Variants in CCDC192 observed in about 807,000 individuals in gnomAD.
CCDC192 encodes the protein coiled-coil domain containing 192.
intron 6 of CCDC192, among the ~76,000 whole-genome samples, chr5:127,900,744 T>G (rs1053217085): frequency 6.6e-5 from 10 of 152,248 alleles, no homozygotes; most frequent in African/African-American, 2.4e-4. Flanking sequence ...ATAGAGTGGC[T>G]TGGCTTCCTA....
At chr5:127,736,826 C>G (rs1012225889) in intron 2 of CCDC192, among the ~76,000 whole-genome samples, 16 of 148,652 alleles carry the variant, frequency 1.1e-4, no homozygotes, top group Non-Finnish European at 2.1e-4. Flanking sequence ...CTCTTTTTTT[C>G]TTTATTAGTC....
intron 3 of CCDC192, among the ~76,000 whole-genome samples, chr5:127,756,455 C>T (rs1343452835): frequency 2.0e-5 from 3 of 152,022 alleles, no homozygotes; most frequent in Admixed American, 1.3e-4. Context: ...CATAGGAGCT[C>T]GAAGTTAGGT....
At chr5:127,725,982 CT>C (rs1202404679) in intron 2 of CCDC192, among the ~76,000 whole-genome samples, 1 of 150,894 alleles carries the variant, frequency 6.6e-6, no homozygotes, top group South Asian at 2.1e-4. Flanking sequence ...TTTCTTTAGT[CT>C]TTTTTTAAGT....
chr5:127,821,399 T>C (rs1749283297), intron 5 of CCDC192, among the ~76,000 whole-genome samples: 1 of 152,242 alleles, frequency 6.6e-6, no homozygotes. Context: ...GGGGACAGCC[T>C]CTTTTTCAGG....
intron 5 of CCDC192, among the ~76,000 whole-genome samples, chr5:127,847,682 C>A (rs1226285484): frequency 6.6e-6 from 1 of 151,806 alleles, no homozygotes. Context: ...AATTACCAGG[C>A]GTGGTGGCAG....
At chr5:127,877,973 A>C (rs1752151241) in intron 6 of CCDC192, among the ~76,000 whole-genome samples, 1 of 152,226 alleles carries the variant, frequency 6.6e-6, no homozygotes, top group Non-Finnish European at 1.5e-5. Flanking sequence ...CTAGCCTTGG[A>C]GTAAGATGGA....
chr5:127,716,788 C>T (rs1168713497), intron 2 of CCDC192, among the ~76,000 whole-genome samples: 1 of 152,128 alleles, frequency 6.6e-6, no homozygotes, highest in African/African-American at 2.4e-5. Context: ...GATGTGACCT[C>T]CTTGCTTTGA....
chr5:127,808,181 G>A (rs747189262), intron 5 of CCDC192, among the ~76,000 whole-genome samples: 1 of 152,000 alleles, frequency 6.6e-6, no homozygotes, highest in Non-Finnish European at 1.5e-5. Flanking sequence ...GCCAACTTTC[G>A]CCTTACCTCT....
intron 6 of CCDC192, among the ~76,000 whole-genome samples, chr5:127,906,048 A>G (rs1479417119): frequency 6.6e-6 from 1 of 152,094 alleles, no homozygotes; most frequent in Admixed American, 6.5e-5. Context: ...TACAATTCAC[A>G]TTTTGGCCAT....
At chr5:127,939,758 C>T (rs926885219) in intron 6 of CCDC192, among the ~76,000 whole-genome samples, 1 of 151,664 alleles carries the variant, frequency 6.6e-6, no homozygotes, top group Non-Finnish European at 1.5e-5. Context: ...GTATAGGTAC[C>T]TAATAGCAGC....
intron 3 of CCDC192, chr5:127,785,773 A>G: frequency 3.9e-6 from 1 of 255,738 alleles, no homozygotes; most frequent in South Asian, 6.2e-5. Flanking sequence ...AGAACGAGTC[A>G]TAGTATTGAG....
intron 5 of CCDC192, among the ~76,000 whole-genome samples, chr5:127,832,323 T>G (rs1343687245): frequency 6.6e-6 from 1 of 152,210 alleles, no homozygotes; most frequent in Non-Finnish European, 1.5e-5. Flanking sequence ...TCTAGAGCCA[T>G]GAGGCAAACT....
intron 5 of CCDC192, among the ~76,000 whole-genome samples, chr5:127,804,679 ATG>A (rs1757684734): frequency 6.6e-6 from 1 of 152,198 alleles, no homozygotes. Context: ...AGTTCTGAAA[ATG>A]TGGCTCCTGA....
At chr5:127,910,620 A>C (rs1292784896) in intron 6 of CCDC192, among the ~76,000 whole-genome samples, 1 of 152,228 alleles carries the variant, frequency 6.6e-6, no homozygotes, top group African/African-American at 2.4e-5. Flanking sequence ...AATGTAGCAC[A>C]ATTCCCCAAA....
chr5:127,903,963 C>T (rs1001500823), intron 6 of CCDC192, among the ~76,000 whole-genome samples: 6 of 152,124 alleles, frequency 3.9e-5, no homozygotes, highest in African/African-American at 1.4e-4. Flanking sequence ...ATCCTGGAAC[C>T]TGTGAATACG....
intron 2 of CCDC192, among the ~76,000 whole-genome samples, chr5:127,710,344 T>C (rs932555209): frequency 1.3e-5 from 2 of 152,044 alleles, no homozygotes; most frequent in South Asian, 4.2e-4. Context: ...GTTGCCTCTT[T>C]TAAATAATTG....
chr5:127,780,027 C>G (rs1756103973), intron 3 of CCDC192, among the ~76,000 whole-genome samples: 1 of 152,100 alleles, frequency 6.6e-6, no homozygotes, highest in Non-Finnish European at 1.5e-5. Context: ...ATAATAGCCT[C>G]CAATCTCATC....
At chr5:127,798,795 A>G (rs771893322) in intron 5 of CCDC192, among the ~76,000 whole-genome samples, 1 of 151,684 alleles carries the variant, frequency 6.6e-6, no homozygotes, top group Non-Finnish European at 1.5e-5. Context: ...GACCATATAA[A>G]CCAATCAGAC....
At chr5:127,717,080 A>G (rs531017599) in intron 2 of CCDC192, among the ~76,000 whole-genome samples, 1 of 152,314 alleles carries the variant, frequency 6.6e-6, no homozygotes, top group East Asian at 1.9e-4. Flanking sequence ...AAAAATATGA[A>G]TAGAAACTGT....
Sources: allele counts gnomAD v4.1 joint callset (sites outside exome capture counted in the v4.1 genomes callset), GRCh38; gene constraint gnomAD v4.1.1; transcripts MANE v1.5; gene names NCBI Gene and HGNC (gene_info 2026-07-23, HGNC 2026-07-21).